Variants in RHOU observed in about 807,000 individuals in gnomAD.
RHOU encodes the protein rho-related GTP-binding protein RhoU.
RHOU carries 8 observed loss-of-function variants against 12.6 expected under a neutral mutation model. The ratio of observed to expected loss-of-function variants is 0.64; its 90% CI spans 0.37 to 1.15. RHOU has a LOEUF of 1.15. Among genes scored for constraint, RHOU ranks in the 50% most tolerant of loss-of-function variants. RHOU has a pLI of 0.01. For synonymous variants in RHOU, 161 were observed against 147.4 expected (o/e 1.09, Z -0.67); for missense variants, 258 against 347.0 (o/e 0.74, Z 2.04).
At chr1:228,676,109 G>A in the RHOU span, among the ~76,000 whole-genome samples, 2 of 151,776 alleles carry the variant, frequency 1.3e-5, no homozygotes, top group Non-Finnish European at 2.9e-5. Flanking sequence ...TCCAAGGGGA[G>A]TGAGCTATGA....
At chr1:228,646,908 A>G in the RHOU span, among the ~76,000 whole-genome samples, 1 of 152,170 alleles carries the variant, frequency 6.6e-6, no homozygotes, top group African/African-American at 2.4e-5. Flanking sequence ...ACAGCGATCG[A>G]GAGAGACCGG....
the RHOU span, among the ~76,000 whole-genome samples, chr1:228,702,439 G>A: frequency 6.6e-6 from 1 of 152,084 alleles, no homozygotes; most frequent in South Asian, 2.1e-4. Flanking sequence ...GGCAAAGCTG[G>A]GCCAGGGAGA....
At chr1:228,695,700 C>T in the RHOU span, among the ~76,000 whole-genome samples, 2 of 152,184 alleles carry the variant, frequency 1.3e-5, no homozygotes, top group African/African-American at 2.4e-5. Context: ...AGGGGCAGAG[C>T]TTTCATGCAT....
the RHOU span, among the ~76,000 whole-genome samples, chr1:228,719,384 C>T: frequency 2.6e-5 from 4 of 152,160 alleles, no homozygotes; most frequent in Non-Finnish European, 5.9e-5. Context: ...AGTATATTAT[C>T]ACACTAATCA....
the RHOU span, among the ~76,000 whole-genome samples, chr1:228,726,461 C>A: frequency 6.6e-6 from 1 of 152,004 alleles, no homozygotes; most frequent in African/African-American, 2.4e-5. Context: ...GTCAGGAGTT[C>A]GAGACTCAGC....
At chr1:228,689,223 C>T in the RHOU span, among the ~76,000 whole-genome samples, 1 of 152,094 alleles carries the variant, frequency 6.6e-6, no homozygotes, top group African/African-American at 2.4e-5. Context: ...GTTTGTCAGA[C>T]CCAACCCTCG....
In RHOU at chr1:228,738,608, G is replaced by A. The variant is rs1662661200; in HGVS notation, c.321+877G>A. On this transcript the variant is annotated intron_variant, in intron 2 of 2. Coordinates refer to ENST00000366691, the MANE Select transcript of RHOU (RefSeq NM_021205.6). This position sits in a 1 kb window ranked among gnomAD's most constrained non-coding sequence, Gnocchi z 4.2. ...ACTATCTGTGTTTATGAAGGCACTG[G>A]CTTTCCACTGCCCCCCAGAGCCTCA... Among the ~76,000 whole-genome samples, 1 of 152,152 alleles carries A rather than the reference G, an allele frequency of 6.6e-6. No individual in the cohort carries two copies.
the RHOU span, among the ~76,000 whole-genome samples, chr1:228,696,669 T>C: frequency 7.9e-5 from 12 of 152,236 alleles, no homozygotes; most frequent in Admixed American, 7.2e-4. Flanking sequence ...CATCTCAGCC[T>C]CCCTAGTAGC....
the RHOU span, among the ~76,000 whole-genome samples, chr1:228,723,740 CT>C: frequency 6.6e-6 from 1 of 152,198 alleles, no homozygotes; most frequent in African/African-American, 2.4e-5. Flanking sequence ...TTCTTAATAA[CT>C]CCTACCACAT....
chr1:228,739,298 G>T lies in RHOU; in HGVS notation c.321+1567G>T, dbSNP rs187923801. On this transcript the variant is annotated intron_variant, in intron 2 of 2. Transcript: ENST00000366691. ...AAAACATGGCCAGCCAGGCGCGGTT[G>T]CTCACGCCTGTAATCCCAGCACTTT... 2.6e-3 allele frequency among the ~76,000 whole-genome samples: 390 copies of T among 152,292 alleles called. 1 individual carries two copies. Among genetic ancestry groups the T allele is most frequent in the African/African-American group, 9.1e-3 (377 of 41,562 alleles).
At chr1:228,683,051 T>C in the RHOU span, among the ~76,000 whole-genome samples, 1 of 150,204 alleles carries the variant, frequency 6.7e-6, no homozygotes. Flanking sequence ...TCTCAACCAC[T>C]AATTTCAGTA....
the RHOU span, among the ~76,000 whole-genome samples, chr1:228,701,294 A>G: frequency 6.6e-6 from 1 of 152,160 alleles, no homozygotes; most frequent in Admixed American, 6.6e-5. Context: ...AATAATAGCC[A>G]TTTGTTAGTG....
chr1:228,693,746 A>C, the RHOU span, among the ~76,000 whole-genome samples: 52 of 152,182 alleles, frequency 3.4e-4, no homozygotes, highest in Admixed American at 5.9e-4. Context: ...GATTACAGGC[A>C]TGAGCCACCG....
chr1:228,722,430 C>G, the RHOU span, among the ~76,000 whole-genome samples: 6 of 152,134 alleles, frequency 3.9e-5, no homozygotes, highest in African/African-American at 1.4e-4. Flanking sequence ...ACCAGCACCT[C>G]CCTTGGAACT....
At chr1:228,697,313 C>T in the RHOU span, among the ~76,000 whole-genome samples, 9 of 152,190 alleles carry the variant, frequency 5.9e-5, no homozygotes, top group Admixed American at 2.0e-4. Context: ...GGCACAAACG[C>T]CCTGAATATT....
the RHOU span, among the ~76,000 whole-genome samples, chr1:228,660,214 G>T: frequency 1.3e-5 from 2 of 151,716 alleles, no homozygotes; most frequent in East Asian, 3.9e-4. Flanking sequence ...CAACATATTG[G>T]ATAACCTGGA....
chr1:228,723,321 G>C, the RHOU span, among the ~76,000 whole-genome samples: 3 of 152,232 alleles, frequency 2.0e-5, no homozygotes, highest in Admixed American at 1.3e-4. Context: ...GACCCCAAGT[G>C]GGGTGGAAAC....
chr1:228,648,256 GC>G, the RHOU span, among the ~76,000 whole-genome samples: 1 of 152,252 alleles, frequency 6.6e-6, no homozygotes, highest in South Asian at 2.1e-4. Context: ...TTGCGCCTAG[GC>G]CACTCGCTGG....
chr1:228,702,861 A>G, the RHOU span, among the ~76,000 whole-genome samples: 3 of 152,184 alleles, frequency 2.0e-5, no homozygotes, highest in Admixed American at 6.5e-5. Flanking sequence ...TCAGCTTTCA[A>G]ATAGTTTTTC....
Sources: gnomAD v4.1 joint callset for allele counts (sites outside exome capture counted in the v4.1 genomes callset) on GRCh38, gnomAD v4.1.1 for gene constraint, Gnocchi (gnomAD v3.1) non-coding constraint, MANE v1.5 for transcripts, NCBI Gene and HGNC (gene_info 2026-07-23, HGNC 2026-07-21) for gene names.